The following PTBP3 variants were observed in gnomAD, a reference collection of about 807,000 sequenced individuals.
PTBP3 encodes the protein polypyrimidine tract binding protein 3.
A neutral mutation model predicts 58.7 loss-of-function variants in PTBP3; 20 were observed. That is an observed-to-expected ratio of 0.34 (90% CI 0.24 to 0.50). The LOEUF (loss-of-function observed/expected upper bound fraction) is 0.50. PTBP3 is among the 20% of genes least tolerant of loss of function. The probability of loss-of-function intolerance (pLI) is 0.98; values close to 1 mark genes in which losing one functional copy is unlikely to be tolerated. For missense variants in PTBP3, 509 were observed against 637.2 expected, an observed-to-expected ratio of 0.80 and a Z score of 2.17; for synonymous variants, 185 against 219.8, an observed-to-expected ratio of 0.84 and a Z score of 1.40.
chr9:112,244,238 C>T (rs192929266), intron 7 of PTBP3, among the ~76,000 whole-genome samples: 14 of 130,280 alleles, frequency 1.1e-4, no homozygotes, highest in Admixed American at 1.1e-3. Flanking sequence ...TATAGTGAGC[C>T]GAGATCATGA....
In PTBP3 at chr9:112,221,142, A is replaced by T; in HGVS notation, c.*2709T>A. The T allele has an allele frequency of 2.0e-6, 2 of 985,756 alleles. No homozygotes were observed. The highest frequency in any genetic ancestry group is 2.4e-6 in the Non-Finnish European group (2 of 829,914). 61.1% of individuals were successfully genotyped at this position (985,756 alleles called of 1,614,324 possible). A position where few individuals can be genotyped will look rare whatever the true frequency, so the allele number is the denominator to read the frequency against. ...CTGATGGTTTCAAACATGCTATTTT[A>T]AAACAAGAACATCCCACATCTCCAA... is the stretch of plus-strand genomic sequence containing the variant. On this transcript the variant is annotated 3_prime_UTR_variant, in exon 14 of 14. Coordinates refer to ENST00000374257, the MANE Select transcript of PTBP3 (RefSeq NM_001163788.4).
chr9:112,271,994 C>A (rs2132179941), intron 3 of PTBP3, among the ~76,000 whole-genome samples: 1 of 152,174 alleles, frequency 6.6e-6, no homozygotes, highest in African/African-American at 2.4e-5. Context: ...TTATAGTATA[C>A]ATAGTTTCCT....
intron 2 of PTBP3, among the ~76,000 whole-genome samples, chr9:112,296,251 T>C (rs998525099): frequency 1.1e-4 from 17 of 152,248 alleles, no homozygotes; most frequent in Middle Eastern, 3.4e-3. Context: ...CAGAATCAGA[T>C]GTTAACTTTT....
the PTBP3 span, among the ~76,000 whole-genome samples, chr9:112,368,143 C>T: frequency 0.061 from 9,278 of 152,164 alleles, 489 homozygotes; most frequent in African/African-American, 0.12. Context: ...TACAGGCATG[C>T]ACCACCATGC....
intron 5 of PTBP3, among the ~76,000 whole-genome samples, chr9:112,260,798 A>T (rs990893438): frequency 2.1e-4 from 32 of 152,222 alleles, no homozygotes; most frequent in African/African-American, 7.0e-4. Flanking sequence ...AGAGGGTTAA[A>T]AAAGTGAGTG....
Position 112,250,951 on chromosome 9 carries a change from T to C in PTBP3, c.780A>G (p.Glu260=). 5.6e-6 allele frequency: 9 copies of C among 1,603,684 alleles called. No individual in the cohort carries two copies. Among genetic ancestry groups the C allele is most frequent in the Non-Finnish European group, 7.7e-6 (9 of 1,175,144 alleles). The change falls in exon 7 of 14, where the codon GAA becomes GAG. Residue 260 remains glutamate, a synonymous_variant. Transcript: ENST00000374257. ...CACCAAAAGCAGCAGCCATAGGGGG[T>C]TCAAGGGATGGCTGGCCATCACCAG... ...LPTGDGQPSL[E]PPMAAAFGAP...
intron 12 of PTBP3, among the ~76,000 whole-genome samples, chr9:112,226,745 A>G (rs1835004272): frequency 6.6e-6 from 1 of 152,372 alleles, no homozygotes; most frequent in Non-Finnish European, 1.5e-5. Context: ...ATATTACACG[A>G]AACTTTATAA....
chr9:112,327,642 C>CA (rs565579453), intron 1 of PTBP3, among the ~76,000 whole-genome samples: 3 of 152,058 alleles, frequency 2.0e-5, no homozygotes, highest in Non-Finnish European at 2.9e-5. Context: ...TGGCAAGGCT[C>CA]AAAAAATTGT....
chr9:112,249,368 T>C (rs1012334681), intron 7 of PTBP3, among the ~76,000 whole-genome samples: 1 of 152,154 alleles, frequency 6.6e-6, no homozygotes, highest in Non-Finnish European at 1.5e-5. Flanking sequence ...AGTAAGGACA[T>C]AGTGCTTATG....
In PTBP3 at chr9:112,219,962, C is replaced by G; in HGVS notation, c.*3889G>C. The G allele has an allele frequency of 1.7e-6, 1 of 591,154 alleles. No individual in the cohort carries two copies. The highest frequency in any genetic ancestry group is 2.2e-6 in the Non-Finnish European group (1 of 451,302). 36.6% of individuals were successfully genotyped at this position (591,154 alleles called of 1,614,324 possible). A position where few individuals can be genotyped will look rare whatever the true frequency, so the allele number is the denominator to read the frequency against. On this transcript the variant is annotated 3_prime_UTR_variant, in exon 14 of 14. Transcript: ENST00000374257. ...TTAAAAGACAGCTGAGTTATATTTT[C>G]AAATTTTGTGCAATCTAAATTGTAT...
chr9:112,333,046 C>T, intron 1 of PTBP3: 12 of 1,268,368 alleles, frequency 9.5e-6, no homozygotes, highest in Non-Finnish European at 1.2e-5. Flanking sequence ...CAGCAACTCC[C>T]CCGGCAGGAG....
rs1268428763 is a variant in PTBP3 at position 112,223,548 on chromosome 9, C to A, written c.*303G>T. The A allele has an allele frequency of 1.0e-4, 103 of 992,830 alleles. 1 individual carries two copies. Among genetic ancestry groups the A allele is most frequent in the Non-Finnish European group, 1.3e-4 (102 of 811,472 alleles). The allele number at this position is 992,830 out of a possible 1,614,324, so 61.5% of individuals were successfully genotyped here. A position where few individuals can be genotyped will look rare whatever the true frequency, so the allele number is the denominator to read the frequency against. ...GGACCCAAACTAAAACAACGTTAAT[C>A]CTCTTCAAATCTAATTTAATATAGG... On this transcript the variant is annotated 3_prime_UTR_variant, in exon 14 of 14. Coordinates refer to ENST00000374257, the MANE Select transcript of PTBP3 (RefSeq NM_001163788.4).
Position 112,221,382 on chromosome 9 carries a change from A to G in PTBP3, c.*2469T>C. On this transcript the variant is annotated 3_prime_UTR_variant, in exon 14 of 14. Coordinates refer to ENST00000374257, the MANE Select transcript of PTBP3 (RefSeq NM_001163788.4). Reference sequence around the variant, plus strand: ...CATTCCCTACTTCAAAGTTACATTCAACACCACTATGATCCCCTTCCGTTA... The same window carrying G: ...CATTCCCTACTTCAAAGTTACATTCGACACCACTATGATCCCCTTCCGTTA... 1.0e-6 allele frequency: 1 copy of G among 985,822 alleles called. No homozygotes were observed. The highest frequency in any genetic ancestry group is 4.7e-5 in the South Asian group (1 of 21,284). The allele number at this position is 985,822 out of a possible 1,614,324, so 61.1% of individuals were successfully genotyped here.
Position 112,268,134 on chromosome 9 carries a change from A to G in PTBP3, c.266T>C (p.Ile89Thr), listed in dbSNP as rs1303006621. The change falls in exon 4 of 14, where the codon ATT (isoleucine) becomes ACT (threonine). Residue 89 changes from isoleucine to threonine, a missense_variant. Physicochemically the swap from Ile to Thr is moderately conservative, Grantham distance 89. Coordinates refer to ENST00000374257, the MANE Select transcript of PTBP3 (RefSeq NM_001163788.4). Reference protein sequence around the residue: ...AVTMVNYYTPITPHLRSQPVY... With the variant: ...AVTMVNYYTPTTPHLRSQPVY... The stretch of plus-strand genomic sequence containing the variant: ...AGGCTGGCTTCGAAGGTGAGGAGTA[A>G]TAGGAGTGTAATAATTCACCATAGT... 1 of 1,613,956 alleles carries G rather than the reference A, an allele frequency of 6.2e-7. No individual in the cohort carries two copies. Among genetic ancestry groups the G allele is most frequent in the East Asian group, 2.2e-5 (1 of 44,872 alleles).
chr9:112,323,936 G>A (rs761962121), intron 1 of PTBP3, among the ~76,000 whole-genome samples: 2 of 151,896 alleles, frequency 1.3e-5, no homozygotes, highest in Non-Finnish European at 2.9e-5. Context: ...AAACCAACCA[G>A]GATAAACACT....
chr9:112,350,259 A>G, the PTBP3 span, among the ~76,000 whole-genome samples: 1 of 152,154 alleles, frequency 6.6e-6, no homozygotes, highest in Non-Finnish European at 1.5e-5. Context: ...AAAAGACTAC[A>G]CATTGGGTTC....
upstream of PTBP3, among the ~76,000 whole-genome samples, chr9:112,336,676 A>C (rs2132515279): frequency 6.6e-6 from 1 of 152,190 alleles, no homozygotes; most frequent in Non-Finnish European, 1.5e-5. Context: ...CCTTTGCTTT[A>C]AGCTAACAAA....
At chr9:112,313,611 T>C (rs762308973) in intron 1 of PTBP3, among the ~76,000 whole-genome samples, 3 of 152,194 alleles carry the variant, frequency 2.0e-5, no homozygotes, top group Non-Finnish European at 4.4e-5. Flanking sequence ...AGGATCCACT[T>C]CCACACTTAC....
chr9:112,352,664 C>T, the PTBP3 span, among the ~76,000 whole-genome samples: 19 of 152,162 alleles, frequency 1.2e-4, no homozygotes, highest in African/African-American at 4.6e-4. Flanking sequence ...AGGAACATCT[C>T]GTTTACTCAC....
Sources: allele counts gnomAD v4.1 joint callset (sites outside exome capture counted in the v4.1 genomes callset), GRCh38; gene constraint gnomAD v4.1.1; transcripts MANE v1.5; gene names NCBI Gene and HGNC (gene_info 2026-07-23, HGNC 2026-07-21).